ANGPT1: variants seen among roughly 807,000 people sequenced by gnomAD.
ANGPT1 encodes angiopoietin-1.
Under a neutral mutation model 62.2 loss-of-function variants are expected in ANGPT1, and 17 were observed. That is an observed-to-expected ratio of 0.27 (90% CI 0.19 to 0.41). The LOEUF is 0.41. ANGPT1 is among the 10% of genes least tolerant of loss of function. The probability of loss-of-function intolerance (pLI) is 1.00; values close to 1 mark genes in which losing one functional copy is unlikely to be tolerated. For synonymous variants in ANGPT1, 199 were observed against 198.9 expected (o/e 1.00, Z 0.00); for missense variants, 478 against 594.9 (o/e 0.80, Z 2.04).
chr8:107,394,640 A>G (rs1816900024), intron 1 of ANGPT1, among the ~76,000 whole-genome samples: 1 of 152,204 alleles, frequency 6.6e-6, no homozygotes, highest in Non-Finnish European at 1.5e-5. Flanking sequence ...GATAGGAGCC[A>G]TCTTGGATTA....
chr8:107,389,899 T>A (rs1463725546), intron 1 of ANGPT1, among the ~76,000 whole-genome samples: 1 of 151,812 alleles, frequency 6.6e-6, no homozygotes, highest in African/African-American at 2.4e-5. Context: ...TCTTCATTCT[T>A]ACATTCCAGA....
At chr8:107,466,563 TAAAGCCAAGGA>T (rs1812202622) in intron 1 of ANGPT1, among the ~76,000 whole-genome samples, 1 of 152,114 alleles carries the variant, frequency 6.6e-6, no homozygotes, top group South Asian at 2.1e-4. Flanking sequence ...GAATTATTCG[TAAAGCCAAGGA>T]AAATCCAAGG....
chr8:107,258,103 T>C (rs1032758055), intron 8 of ANGPT1, among the ~76,000 whole-genome samples: 3 of 151,902 alleles, frequency 2.0e-5, no homozygotes, highest in Admixed American at 1.3e-4. Flanking sequence ...TCATACTTCA[T>C]TTTGCTTTTA....
intron 1 of ANGPT1, among the ~76,000 whole-genome samples, chr8:107,471,395 G>A (rs968131069): frequency 6.6e-6 from 1 of 151,982 alleles, no homozygotes; most frequent in African/African-American, 2.4e-5. Context: ...CACACACTGG[G>A]GCCTGTCAGG....
intron 8 of ANGPT1, among the ~76,000 whole-genome samples, chr8:107,253,808 G>C (rs1029295455): frequency 6.6e-6 from 1 of 152,190 alleles, no homozygotes; most frequent in African/African-American, 2.4e-5. Context: ...GGAAAACTTA[G>C]GAAAGAGACA....
At chr8:107,419,990 A>G (rs1325386296) in intron 1 of ANGPT1, among the ~76,000 whole-genome samples, 2 of 152,180 alleles carry the variant, frequency 1.3e-5, no homozygotes, top group Non-Finnish European at 2.9e-5. Context: ...TTTTACAGAT[A>G]AAGAGGAATC....
At chr8:107,400,307 T>C (rs1817019463) in intron 1 of ANGPT1, among the ~76,000 whole-genome samples, 1 of 152,186 alleles carries the variant, frequency 6.6e-6, no homozygotes. Context: ...TGGACAACGT[T>C]CCATAACAAC....
Position 107,282,553 on chromosome 8 carries a change from CATATATATATATATATAT to C in ANGPT1, c.1205+2111_1205+2128del, listed in dbSNP as rs753412026. The stretch of plus-strand genomic sequence containing the variant: ...TTATATATATATTACATATATGAAC[CATATATATATATATATAT>C]ATATATATATATATATATATATATG... On this transcript the variant is annotated intron_variant, in intron 7 of 8. Coordinates refer to ENST00000517746, the MANE Select transcript of ANGPT1 (RefSeq NM_001146.5). 1.4e-3 allele frequency among the ~76,000 whole-genome samples: 73 copies of C among 51,072 alleles called. 3 individuals carry two copies. Among genetic ancestry groups the C allele is most frequent in the African/African-American group, 2.9e-3 (42 of 14,570 alleles). The allele number at this position is 51,072 out of a possible 152,430, so 33.5% of individuals were successfully genotyped here. A position where few individuals can be genotyped will look rare whatever the true frequency, so the allele number is the denominator to read the frequency against.
chr8:107,405,293 A>C (rs1426727502), intron 1 of ANGPT1, among the ~76,000 whole-genome samples: 1 of 151,978 alleles, frequency 6.6e-6, no homozygotes, highest in African/African-American at 2.4e-5. Flanking sequence ...ATCGTACTCT[A>C]TATTTTTAAT....
intron 5 of ANGPT1, among the ~76,000 whole-genome samples, chr8:107,297,807 T>C (rs143544803): frequency 6.6e-5 from 10 of 150,692 alleles, no homozygotes; most frequent in African/African-American, 2.2e-4. Flanking sequence ...ATTTAAGAGG[T>C]TGGACTCACT....
intron 3 of ANGPT1, among the ~76,000 whole-genome samples, chr8:107,333,726 A>G (rs147523808): frequency 2.0e-5 from 3 of 151,958 alleles, no homozygotes; most frequent in African/African-American, 7.2e-5. Flanking sequence ...GAGAGCTTGC[A>G]CCCTAACTCA....
chr8:107,345,271 G>C (rs576190778), intron 2 of ANGPT1, among the ~76,000 whole-genome samples: 1 of 152,222 alleles, frequency 6.6e-6, no homozygotes, highest in South Asian at 2.1e-4. Flanking sequence ...CGTATAAGGA[G>C]TAGTTATTCT....
chr8:107,336,216 G>A lies in ANGPT1; in HGVS notation c.509C>T (p.Thr170Ile), dbSNP rs775180130. ...AAGAAGTTGCTTCTCTAGCTTGTAG[G>A]TGGATAATGAATTCTCCAGCAGCTG... ...EIQLLENSLS[T>I]YKLEKQLLQQ... Residue 170 changes from threonine (T) to isoleucine (I), a missense_variant, in exon 3 of 9, where the codon ACC (threonine) becomes ATC (isoleucine). By Grantham distance (89) the Thr-to-Ile change is moderately conservative. Around this residue, in one of 4 missense-constraint regions of ANGPT1, gnomAD observed 343 missense variants for 355.4 expected, o/e 0.97. Coordinates refer to ENST00000517746, the MANE Select transcript of ANGPT1 (RefSeq NM_001146.5). 8 of 1,608,582 alleles carry A rather than the reference G, an allele frequency of 5.0e-6. No individual in the cohort carries two copies. Among genetic ancestry groups the A allele is most frequent in the South Asian group, 1.1e-5 (1 of 89,824 alleles).
At chr8:107,386,236 C>A (rs972861817) in intron 1 of ANGPT1, among the ~76,000 whole-genome samples, 2 of 151,880 alleles carry the variant, frequency 1.3e-5, no homozygotes, top group Admixed American at 1.3e-4. Context: ...CAAGAGGGCC[C>A]ATTTGAGGAT....
At chr8:107,331,490 G>C (rs928665293) in intron 3 of ANGPT1, among the ~76,000 whole-genome samples, 1 of 152,076 alleles carries the variant, frequency 6.6e-6, no homozygotes, top group Admixed American at 6.6e-5. Context: ...AATTATACTT[G>C]AGGCCTCATC....
intron 1 of ANGPT1, among the ~76,000 whole-genome samples, chr8:107,422,266 C>G (rs567158348): frequency 7.9e-5 from 12 of 152,210 alleles, no homozygotes; most frequent in Admixed American, 1.3e-4. Context: ...TTAAACTTGT[C>G]GGCAACCTGG....
chr8:107,394,831 C>T (rs903685701), intron 1 of ANGPT1, among the ~76,000 whole-genome samples: 1 of 152,050 alleles, frequency 6.6e-6, no homozygotes. Flanking sequence ...GACTGGATAA[C>T]AGCATATTAA....
intron 6 of ANGPT1, among the ~76,000 whole-genome samples, chr8:107,288,821 G>A (rs1327434509): frequency 1.3e-5 from 2 of 152,030 alleles, no homozygotes; most frequent in African/African-American, 4.8e-5. Flanking sequence ...TCATATTCAT[G>A]CCTAAAAGAC....
chr8:107,462,336 G>A (rs982333272), intron 1 of ANGPT1, among the ~76,000 whole-genome samples: 5 of 150,590 alleles, frequency 3.3e-5, no homozygotes, highest in African/African-American at 1.2e-4. Context: ...TGGGTAGCAC[G>A]AACATAATTC....
Sources: gnomAD v4.1 joint callset for allele counts (sites outside exome capture counted in the v4.1 genomes callset) on GRCh38, gnomAD v4.1.1 for gene constraint, gnomAD v4.1.1 regional missense constraint, MANE v1.5 for transcripts, NCBI Gene and HGNC (gene_info 2026-07-23, HGNC 2026-07-21) for gene names.